Variants in LRRTM3 observed in about 807,000 individuals in gnomAD.
LRRTM3 encodes the protein leucine-rich repeat transmembrane neuronal protein 3.
In LRRTM3, 24 loss-of-function variants were observed where a neutral mutation model predicts 44.7. The observed-to-expected ratio is 0.54, with a 90% confidence interval of 0.39 to 0.76. The LOEUF is 0.76. Among genes scored for constraint, LRRTM3 ranks in the 30% least tolerant of loss-of-function variants. The pLI is 0.00. For synonymous variants in LRRTM3, 277 were observed against 278.7 expected (o/e 0.99, Z 0.06); for missense variants, 587 against 702.2 (o/e 0.84, Z 1.85).
intron 2 of LRRTM3, among the ~76,000 whole-genome samples, chr10:67,038,321 T>C (rs929805481): frequency 1.3e-5 from 2 of 152,126 alleles, no homozygotes; most frequent in African/African-American, 2.4e-5. Flanking sequence ...GTCACTTCAA[T>C]GTGCTTTTAA....
intron 2 of LRRTM3, among the ~76,000 whole-genome samples, chr10:66,952,539 A>ATG (rs138390909): frequency 1.2e-4 from 18 of 151,732 alleles, no homozygotes; most frequent in Admixed American, 1.3e-4. Context: ...GTGTGTATTT[A>ATG]TGTGTGTGTG....
chr10:67,080,102 A>G (rs979113225), intron 2 of LRRTM3, among the ~76,000 whole-genome samples: 14 of 152,308 alleles, frequency 9.2e-5, no homozygotes, highest in African/African-American at 3.4e-4. Flanking sequence ...GCATGGCAAG[A>G]AGAACCAGAA....
intron 2 of LRRTM3, among the ~76,000 whole-genome samples, chr10:66,928,913 C>T (rs1007309189): frequency 2.6e-5 from 4 of 152,130 alleles, no homozygotes; most frequent in African/African-American, 4.8e-5. Context: ...TTGGAGATGA[C>T]TCAGTTATGG....
intron 2 of LRRTM3, among the ~76,000 whole-genome samples, chr10:66,988,052 A>C (rs1489022563): frequency 6.6e-6 from 1 of 152,098 alleles, no homozygotes; most frequent in Admixed American, 6.6e-5. Flanking sequence ...TTTTGTCAAT[A>C]ATTTATTATT....
chr10:67,041,755 AATAAG>A (rs1333364049), intron 2 of LRRTM3, among the ~76,000 whole-genome samples: 1 of 152,130 alleles, frequency 6.6e-6, no homozygotes, highest in Non-Finnish European at 1.5e-5. Flanking sequence ...CTCATAGATA[AATAAG>A]ATAATATTCT....
intron 2 of LRRTM3, among the ~76,000 whole-genome samples, chr10:67,083,068 G>A (rs1480465332): frequency 6.6e-6 from 1 of 152,140 alleles, no homozygotes; most frequent in Non-Finnish European, 1.5e-5. Flanking sequence ...GGAGAGGCAA[G>A]TGTGATCAGG....
At chr10:67,033,274 A>G (rs956271246) in intron 2 of LRRTM3, among the ~76,000 whole-genome samples, 5 of 152,182 alleles carry the variant, frequency 3.3e-5, no homozygotes, top group Non-Finnish European at 5.9e-5. Context: ...GGTGCTTTCC[A>G]GCATTCAAAA....
At chr10:66,955,991 A>G (rs1176181815) in intron 2 of LRRTM3, among the ~76,000 whole-genome samples, 1 of 152,228 alleles carries the variant, frequency 6.6e-6, no homozygotes, top group African/African-American at 2.4e-5. Flanking sequence ...GGGGTGCTCA[A>G]ATCTAACTTG....
At chr10:67,094,948 A>C (rs932590707) in intron 2 of LRRTM3, among the ~76,000 whole-genome samples, 1 of 151,540 alleles carries the variant, frequency 6.6e-6, no homozygotes, top group East Asian at 1.9e-4. Context: ...GTATCACCAA[A>C]ATTTGCATTT....
chr10:66,984,707 T>G (rs573589128), intron 2 of LRRTM3, among the ~76,000 whole-genome samples: 1 of 152,282 alleles, frequency 6.6e-6, no homozygotes, highest in South Asian at 2.1e-4. Flanking sequence ...ATGTACTTGA[T>G]GACTAAAGTC....
rs535956978 is a variant in LRRTM3, at chr10:67,026,425, AT to A, written c.1537-71160del. Among the ~76,000 whole-genome samples the A allele has an allele frequency of 4.0e-3, 607 of 152,138 alleles. 4 individuals are homozygous for A. Among genetic ancestry groups the A allele is most frequent in the African/African-American group, 0.014 (583 of 41,578 alleles). ...TATAAAAATAGAACTAATGAATTGT[AT>A]TAAATACTATTTAAAATAAAAACAA... On this transcript the variant is annotated intron_variant, in intron 2 of 2. Transcript: ENST00000361320.
At chr10:67,084,534 C>A (rs1857204875) in intron 2 of LRRTM3, among the ~76,000 whole-genome samples, 3 of 151,856 alleles carry the variant, frequency 2.0e-5, no homozygotes, top group Admixed American at 2.0e-4. Context: ...GAGAAAAAAT[C>A]ATTTTCACCC....
intron 2 of LRRTM3, among the ~76,000 whole-genome samples, chr10:67,079,739 T>C (rs1411515925): frequency 6.6e-6 from 1 of 151,772 alleles, no homozygotes; most frequent in Non-Finnish European, 1.5e-5. Context: ...TCCCAGCTGC[T>C]CAGGAGGCTG....
intron 2 of LRRTM3, among the ~76,000 whole-genome samples, chr10:66,992,479 G>T (rs1362300621): frequency 1.3e-5 from 2 of 148,400 alleles, no homozygotes; most frequent in African/African-American, 5.0e-5. Flanking sequence ...AAAATTCTTT[G>T]TCAGTTCTAG....
At chr10:67,006,980 C>A (rs191572608) in intron 2 of LRRTM3, among the ~76,000 whole-genome samples, 1 of 151,878 alleles carries the variant, frequency 6.6e-6, no homozygotes. Context: ...GTTTTTAGTA[C>A]AGATGGGGTT....
intron 2 of LRRTM3, among the ~76,000 whole-genome samples, chr10:67,006,664 T>G (rs1852009057): frequency 6.6e-6 from 1 of 152,200 alleles, no homozygotes. Flanking sequence ...AAAACTTGAG[T>G]AATTATGATG....
At chr10:67,008,446 T>G (rs1385815189) in intron 2 of LRRTM3, among the ~76,000 whole-genome samples, 2 of 152,184 alleles carry the variant, frequency 1.3e-5, no homozygotes, top group South Asian at 2.1e-4. Flanking sequence ...AGGCTGAAAT[T>G]CACTACAGCT....
At chr10:66,997,071 T>C (rs1851396104) in intron 2 of LRRTM3, among the ~76,000 whole-genome samples, 1 of 152,176 alleles carries the variant, frequency 6.6e-6, no homozygotes, top group Non-Finnish European at 1.5e-5. Context: ...GTCAAACAGT[T>C]CCCAAAACTT....
At chr10:66,966,703 C>T (rs1174762579) in intron 2 of LRRTM3, among the ~76,000 whole-genome samples, 1 of 151,768 alleles carries the variant, frequency 6.6e-6, no homozygotes, top group East Asian at 1.9e-4. Flanking sequence ...GAATAAAAAC[C>T]ACAAGTTTTG....
Sources: allele counts gnomAD v4.1 joint callset (sites outside exome capture counted in the v4.1 genomes callset), GRCh38; gene constraint gnomAD v4.1.1; transcripts MANE v1.5; gene names NCBI Gene and HGNC (gene_info 2026-07-23, HGNC 2026-07-21).